The following DEF8 variants were observed in gnomAD, a reference collection of about 807,000 sequenced individuals.
DEF8 encodes DEF-8.
In DEF8, 38 loss-of-function variants were observed where a neutral mutation model predicts 59.1. The ratio of observed to expected loss-of-function variants is 0.64; its 90% CI spans 0.50 to 0.84. DEF8 has a LOEUF of 0.84. DEF8 is among the 40% of genes least tolerant of loss of function. The pLI is 0.00. For synonymous variants in DEF8, 265 were observed against 250.1 expected (o/e 1.06, Z -0.56); for missense variants, 557 against 615.2 (o/e 0.91, Z 1.00).
intron 10 of DEF8, 156 bp from the exon 11 acceptor site, chr16:89,964,014 C>A: frequency 9.8e-7 from 1 of 1,016,358 alleles, no homozygotes; most frequent in Non-Finnish European, 1.5e-6. Context: ...CCCCTGTCGG[C>A]TTCCTGGGGC....
chr16:89,949,672 C>T (rs1372994683), intron 2 of DEF8, 159 bp downstream of exon 2: 2 of 1,574,856 alleles, frequency 1.3e-6, no homozygotes, highest in Admixed American at 1.9e-5. Context: ...AGCTTCGGCC[C>T]AGGGTCCCTC....
At position 89,949,400 on chromosome 16, in the gene DEF8, G is replaced by A; in HGVS notation, c.-107-17G>A. On this transcript the variant is annotated splice_polypyrimidine_tract_variant and intron_variant, in intron 1 of 12. Transcript: ENST00000563594. ...GTGGGTGGGGAGGCACAGTGCTGGG[G>A]TGGCTTCTCCCTGCAGCAGGTGCCG... 1.3e-6 allele frequency: 2 copies of A among 1,593,712 alleles called. No homozygotes were observed. Among genetic ancestry groups the A allele is most frequent in the East Asian group, 2.2e-5 (1 of 44,680 alleles).
rs1434004761 is a variant in DEF8 at position 89,964,317 on chromosome 16, C to G, written c.1143+7C>G. On this transcript the variant is annotated splice_region_variant and intron_variant, in intron 11 of 12. Transcript: ENST00000563594. The stretch of plus-strand genomic sequence containing the variant: ...CATCAAGCTGGACTGCGAGGTGGGC[C>G]TCTGCCCGAGGGCCGCTCTTCTCCA... 1.9e-6 allele frequency: 3 copies of G among 1,578,784 alleles called. No individual in the cohort carries two copies. Among genetic ancestry groups the G allele is most frequent in the African/African-American group, 2.7e-5 (2 of 74,378 alleles).
In DEF8 at chr16:89,963,878, G is replaced by C. The variant is rs76918374; in HGVS notation, c.1003-292G>C. The stretch of plus-strand genomic sequence containing the variant: ...GTGGTGAACTCTGTGACAAGATAGA[G>C]AAGGAAGGGTGGGGAATGTGGGAAG... On this transcript the variant is annotated intron_variant, in intron 10 of 12. Transcript: ENST00000563594. 2,188 of 535,924 alleles carry C rather than the reference G, an allele frequency of 4.1e-3. 52 individuals carry two copies. Among genetic ancestry groups the C allele is most frequent in the African/African-American group, 0.038 (1,980 of 52,602 alleles). The allele number at this position is 535,924 out of a possible 1,614,324, so 33.2% of individuals were successfully genotyped here.
In DEF8 at chr16:89,965,929, T is replaced by C; in HGVS notation, c.1322T>C (p.Leu441Pro). 1 of 1,613,586 alleles carries C rather than the reference T, an allele frequency of 6.2e-7. No individual in the cohort carries two copies. Among genetic ancestry groups the C allele is most frequent in the South Asian group, 1.1e-5 (1 of 91,040 alleles). The change falls in exon 13 of 13, where the codon CTC becomes CCC. Residue 441 changes from leucine to proline, a missense_variant. Leu to Pro is a moderately conservative substitution (Grantham distance 98, BLOSUM62 -3). Transcript: ENST00000563594. ...CARLSLRKQS[L>P]FQEPGPDVEA ...CGGCTCAGCCTGAGGAAGCAGTCGC[T>C]CTTCCAGGAGCCAGGTCCCGATGTG...
At chr16:89,963,262 C>G in intron 9 of DEF8, 101 bp from the exon 10 acceptor site, 1 of 960,142 alleles carries the variant, frequency 1.0e-6, no homozygotes, top group South Asian at 1.6e-5. Flanking sequence ...CGTGGGGAAC[C>G]AACCCCTCCT....
chr16:89,956,148 C>T (rs1489548029), intron 4 of DEF8, among the ~76,000 whole-genome samples: 1 of 151,082 alleles, frequency 6.6e-6, no homozygotes, highest in African/African-American at 2.4e-5. Flanking sequence ...ATTACGGCAA[C>T]ATTCAAATGT....
intron 4 of DEF8, among the ~76,000 whole-genome samples, chr16:89,955,501 T>C (rs562453844): frequency 2.3e-4 from 35 of 152,188 alleles, no homozygotes; most frequent in African/African-American, 7.9e-4. Context: ...TGAAGGCAGG[T>C]GGAGAGAGCC....
At position 89,951,827 on chromosome 16, in the gene DEF8, C is replaced by CACACACACACATATATATGTATAT. The variant is rs1453622062; in HGVS notation, c.-11+2324_-11+2347dup. Among the ~76,000 whole-genome samples the CACACACACACATATATATGTATAT allele has an allele frequency of 2.1e-3, 317 of 151,962 alleles. 1 individual carries two copies. Among genetic ancestry groups the CACACACACACATATATATGTATAT allele is most frequent in the African/African-American group, 7.4e-3 (305 of 41,426 alleles). On this transcript the variant is annotated intron_variant, in intron 2 of 12. Coordinates refer to ENST00000563594, the MANE Select transcript of DEF8 (RefSeq NM_001242818.2). ...TTCTTTTTTCTCATATGTATGTATA[C>CACACACACACATATATATGTATAT]ACACACACACATATATATGTATATA...
At chr16:89,958,370 G>C (rs2033556736) in intron 5 of DEF8, 2 of 154,826 alleles carry the variant, frequency 1.3e-5, no homozygotes, top group Non-Finnish European at 2.9e-5. Flanking sequence ...AGGACGGGTG[G>C]TGTCTTGAAG....
chr16:89,965,824 T>G (rs7192565), intron 12 of DEF8, 37 bp from the exon 13 acceptor site: 2 of 1,444,406 alleles, frequency 1.4e-6, no homozygotes, highest in Non-Finnish European at 1.9e-6. Context: ...TGCTGGAGTT[T>G]CCTGTGCAGA....
intron 4 of DEF8, 59 bp from the exon 5 acceptor site, chr16:89,957,452 C>G: frequency 6.5e-7 from 1 of 1,527,372 alleles, no homozygotes; most frequent in South Asian, 1.2e-5. Flanking sequence ...GCGGATGGGC[C>G]TTAACAGGGA....
At chr16:89,950,115 G>T in intron 2 of DEF8, 1 of 988,082 alleles carries the variant, frequency 1.0e-6, no homozygotes, top group Non-Finnish European at 1.2e-6. Flanking sequence ...GCAGAACGGA[G>T]GTGTCCCTGC....
chr16:89,964,112 T>C, intron 10 of DEF8, 58 bp from the exon 11 acceptor site: 1 of 1,610,424 alleles, frequency 6.2e-7, no homozygotes, highest in Non-Finnish European at 8.5e-7. Context: ...CGACCATGGG[T>C]GGGCGGTGGG....
intron 2 of DEF8, chr16:89,949,714 C>T: frequency 1.4e-6 from 2 of 1,394,456 alleles, no homozygotes; most frequent in Non-Finnish European, 2.0e-6. Flanking sequence ...CTTTCTTCGG[C>T]TTCCTTTCAT....
At chr16:89,960,781 G>A in intron 6 of DEF8, 150 bp from the exon 7 acceptor site, 1 of 786,696 alleles carries the variant, frequency 1.3e-6, no homozygotes, top group Non-Finnish European at 2.0e-6. Context: ...GGATCTTTGA[G>A]GTTCTAAGGC....
At position 89,967,177 on chromosome 16, in the gene DEF8, C is replaced by T. The variant is rs1191876452; in HGVS notation, c.*1214C>T. 4.3e-5 allele frequency: 17 copies of T among 397,764 alleles called. No homozygotes were observed. The highest frequency in any genetic ancestry group is 6.2e-5 in the Non-Finnish European group (14 of 226,046). 24.6% of individuals were successfully genotyped at this position (397,764 alleles called of 1,614,324 possible). A position where few individuals can be genotyped will look rare whatever the true frequency, so the allele number is the denominator to read the frequency against. On this transcript the variant is annotated 3_prime_UTR_variant, in exon 13 of 13. Coordinates refer to ENST00000563594, the MANE Select transcript of DEF8 (RefSeq NM_001242818.2). ...TTCTGCCTTGGGCAGTGGGGGTGCTCCTGTCTGTCCTTTTCCCCCACACCC... is the reference window on the plus strand; with the variant it reads ...TTCTGCCTTGGGCAGTGGGGGTGCTTCTGTCTGTCCTTTTCCCCCACACCC...
chr16:89,953,183 G>A (rs941690713), intron 2 of DEF8, among the ~76,000 whole-genome samples: 11 of 152,178 alleles, frequency 7.2e-5, no homozygotes, highest in Admixed American at 7.2e-4. Flanking sequence ...AGACATCTCC[G>A]ACTTTCTATA....
At position 89,955,233 on chromosome 16, in the gene DEF8, C is replaced by T. The variant is rs756682654; in HGVS notation, c.189C>T (p.Leu63=). ...EFRCPERVMD[L]GLSEDHFSRP... is the part of the protein sequence containing the mutation. ...GCTGCCCTGAACGCGTGATGGATCT[C>T]GGCCTGTCTGAGGACCACTTCTCCC... Residue 63 remains leucine (L), a synonymous_variant, in exon 4 of 13, where the codon CTC becomes CTT. Transcript: ENST00000563594. 21 of 1,613,574 alleles carry T rather than the reference C, an allele frequency of 1.3e-5. No homozygotes were observed. Among genetic ancestry groups the T allele is most frequent in the East Asian group, 8.9e-5 (4 of 44,870 alleles).
Sources: allele counts gnomAD v4.1 joint callset (sites outside exome capture counted in the v4.1 genomes callset), GRCh38; gene constraint gnomAD v4.1.1; transcripts MANE v1.5; gene names NCBI Gene and HGNC (gene_info 2026-07-23, HGNC 2026-07-21).